The following TMIGD1 variants were observed in gnomAD, a reference collection of about 807,000 sequenced individuals.
The protein encoded by TMIGD1 is transmembrane and immunoglobulin domain-containing protein 1.
TMIGD1 carries 29 observed loss-of-function variants against 27.5 expected under a neutral mutation model. The ratio of observed to expected loss-of-function variants is 1.05; its 90% CI spans 0.78 to 1.44. The LOEUF (loss-of-function observed/expected upper bound fraction) is 1.44, where lower values mean the gene tolerates loss of function less well. Among genes scored for constraint, TMIGD1 ranks in the 40% most tolerant of loss-of-function variants. The probability of loss-of-function intolerance (pLI) is 0.00; values close to 1 mark genes in which losing one functional copy is unlikely to be tolerated. For synonymous variants in TMIGD1, 109 were observed against 110.3 expected (o/e 0.99, Z 0.07); for missense variants, 334 against 310.6 (o/e 1.08, Z -0.57).
Position 30,324,937 on chromosome 17 carries a change from C to G in TMIGD1, c.519G>C (p.Gln173His), listed in dbSNP as rs774800328. Reference sequence around the variant, plus strand: ...TTGACAGCTGAAAAGACTCACTTGTCTGTTGGATTTGGTGACGGCTTTTCT... The same window carrying G: ...TTGACAGCTGAAAAGACTCACTTGTGTGTTGGATTTGGTGACGGCTTTTCT... ...DLEKSRHQIQ[Q>H]TSESFQLSIT... is the part of the protein sequence containing the mutation. The change falls in exon 4 of 7, where the codon CAG becomes CAC. Residue 173 changes from glutamine (Q) to histidine (H), a missense_variant. Transcript: ENST00000328886. 5 of 1,614,056 alleles carry G rather than the reference C, an allele frequency of 3.1e-6. No homozygotes were observed. The African/African-American group carries it at 6.7e-5, about 22-fold the overall frequency.
At chr17:30,327,716 T>G (rs1326974938) in intron 3 of TMIGD1, among the ~76,000 whole-genome samples, 1 of 150,428 alleles carries the variant, frequency 6.6e-6, no homozygotes, top group Non-Finnish European at 1.5e-5. Context: ...TGTGCCACCA[T>G]GCCCAGCTAA....
chr17:30,320,369 T>G (rs572939112), intron 4 of TMIGD1, among the ~76,000 whole-genome samples: 2 of 152,192 alleles, frequency 1.3e-5, no homozygotes, highest in Non-Finnish European at 2.9e-5. Flanking sequence ...ACTATAGGCA[T>G]AGTGCCTGTG....
chr17:30,325,702 C>G (rs1011415037), intron 3 of TMIGD1, among the ~76,000 whole-genome samples: 7 of 152,136 alleles, frequency 4.6e-5, no homozygotes, highest in Non-Finnish European at 7.4e-5. Context: ...CTCTCACCGT[C>G]TGTTTTTGCA....
rs762254557 is a variant in TMIGD1 at position 30,329,428 on chromosome 17, C to T, written c.184G>A (p.Glu62Lys). ...LICAVQNHTR[E>K]EELLWYREEG... ...TCTCGGTACCAGAGCAGTTCTTCCT[C>T]TCTGGTGTGGTTTTGAACAGCACAT... The change falls in exon 3 of 7, where the codon GAG (glutamate) becomes AAG (lysine). Residue 62 changes from glutamate to lysine, a missense_variant. Transcript: ENST00000328886. The T allele has an allele frequency of 3.0e-5, 48 of 1,614,094 alleles. No individual in the cohort carries two copies. The South Asian group carries it at 3.3e-4, about 11-fold the overall frequency.
At chr17:30,324,177 A>C (rs1462209725) in intron 4 of TMIGD1, among the ~76,000 whole-genome samples, 1 of 152,158 alleles carries the variant, frequency 6.6e-6, no homozygotes, top group Non-Finnish European at 1.5e-5. Flanking sequence ...CCATGTGTGA[A>C]TGAGCATTTT....
At chr17:30,327,946 C>T (rs1465124721) in intron 3 of TMIGD1, among the ~76,000 whole-genome samples, 1 of 152,078 alleles carries the variant, frequency 6.6e-6, no homozygotes. Context: ...TACAGTTCTA[C>T]CAATGGGTTA....
intron 4 of TMIGD1, among the ~76,000 whole-genome samples, chr17:30,322,012 A>G (rs1909635415): frequency 6.6e-6 from 1 of 152,118 alleles, no homozygotes; most frequent in Non-Finnish European, 1.5e-5. Flanking sequence ...GATTTGATGT[A>G]GAGACAGGGT....
chr17:30,324,123 C>T (rs538112852), intron 4 of TMIGD1, among the ~76,000 whole-genome samples: 1 of 152,302 alleles, frequency 6.6e-6, no homozygotes, highest in Admixed American at 6.5e-5. Flanking sequence ...ATATGGGAGT[C>T]TCAGCTTGTT....
chr17:30,326,756 G>C (rs2321706), intron 3 of TMIGD1, among the ~76,000 whole-genome samples: 60,871 of 152,036 alleles, frequency 0.4, 12,417 homozygotes, highest in Admixed American at 0.44. Flanking sequence ...AGGAGAAATG[G>C]TGTGTCGTAA....
At chr17:30,329,599 G>T (rs1166461572) in intron 2 of TMIGD1, 70 bp from the exon 3 acceptor site, 3 of 1,317,844 alleles carry the variant, frequency 2.3e-6, no homozygotes, top group Admixed American at 2.1e-5. Context: ...ACAGGGGATT[G>T]GTTAAATAAG....
intron 3 of TMIGD1, among the ~76,000 whole-genome samples, chr17:30,326,764 TAAG>T (rs1909790304): frequency 6.6e-6 from 1 of 152,228 alleles, no homozygotes; most frequent in Non-Finnish European, 1.5e-5. Flanking sequence ...TGGTGTGTCG[TAAG>T]ATATGCACAC....
At chr17:30,324,769 G>T (rs1490942595) in intron 4 of TMIGD1, 47 bp downstream of exon 4, 1 of 1,574,486 alleles carries the variant, frequency 6.4e-7, no homozygotes, top group East Asian at 2.3e-5. Flanking sequence ...CTGAGCATCT[G>T]GTGTGAGTTT....
At position 30,316,397 on chromosome 17, in the gene TMIGD1, A is replaced by C. The variant is rs1002133594; in HGVS notation, c.*290T>G. 2 of 305,356 alleles carry C rather than the reference A, an allele frequency of 6.5e-6. No individual in the cohort carries two copies. The highest frequency in any genetic ancestry group is 1.2e-5 in the Non-Finnish European group (2 of 168,318). 18.9% of individuals were successfully genotyped at this position (305,356 alleles called of 1,614,324 possible). ...CAAGTATCTCCTACCTAGAAAAAAA[A>C]CACACTAAACAGTAAATGATTACCA... On this transcript the variant is annotated 3_prime_UTR_variant, in exon 7 of 7. Transcript: ENST00000328886.
At chr17:30,322,498 T>TTTAA (rs1909652053) in intron 4 of TMIGD1, among the ~76,000 whole-genome samples, 1 of 152,130 alleles carries the variant, frequency 6.6e-6, no homozygotes, top group Admixed American at 6.5e-5. Context: ...ATTTTTTTAT[T>TTTAA]TTTATTTATT....
intron 5 of TMIGD1, among the ~76,000 whole-genome samples, 191 bp from the exon 6 acceptor site, chr17:30,317,424 C>T (rs1909451250): frequency 6.6e-6 from 1 of 152,052 alleles, no homozygotes; most frequent in Non-Finnish European, 1.5e-5. Flanking sequence ...AGTTAAGATG[C>T]TTCCAGTGTC....
intron 3 of TMIGD1, among the ~76,000 whole-genome samples, chr17:30,328,878 C>G (rs1457854337): frequency 6.6e-6 from 1 of 150,512 alleles, no homozygotes; most frequent in Non-Finnish European, 1.5e-5. Context: ...GCAGGAGAAT[C>G]GCTTGAACCC....
At chr17:30,325,810 C>G (rs1182743576) in intron 3 of TMIGD1, among the ~76,000 whole-genome samples, 1 of 152,154 alleles carries the variant, frequency 6.6e-6, no homozygotes, top group Admixed American at 6.5e-5. Flanking sequence ...AGAAGGTGTT[C>G]TAAGCATGAG....
Position 30,332,122 on chromosome 17 carries a change from C to A in TMIGD1, c.12G>T (p.Lys4Asn), listed in dbSNP as rs1203865352. The part of the protein sequence containing the change: MAW[K>N]SSVIMQMGRF... ...TTCCCATTTGCATTATGACACTGCT[C>A]TTCCATGCCATCTTTAATGAGTTAA... The change falls in exon 2 of 7, where the codon AAG (lysine) becomes AAT (asparagine). Residue 4 changes from lysine (K) to asparagine (N), a missense_variant. By Grantham distance (94) the Lys-to-Asn change is moderately conservative. Transcript: ENST00000328886. The A allele has an allele frequency of 6.2e-7, 1 of 1,612,842 alleles. No homozygotes were observed. Among genetic ancestry groups the A allele is most frequent in the Non-Finnish European group, 8.5e-7 (1 of 1,179,480 alleles).
Position 30,326,209 on chromosome 17 carries a change from T to G in TMIGD1, c.362-1115A>C, listed in dbSNP as rs575134002. Among the ~76,000 whole-genome samples the G allele has an allele frequency of 4.6e-5, 7 of 152,362 alleles. No homozygotes were observed. The South Asian group carries it at 6.2e-4, about 14-fold the overall frequency. On this transcript the variant is annotated intron_variant, in intron 3 of 6. Coordinates refer to ENST00000328886, the MANE Select transcript of TMIGD1 (RefSeq NM_206832.3). ...AAGCTGCTGGAATAGAGAACATAATTGCCAAATGGAACAATTCCATTTGTG... is the reference window on the plus strand; with the variant it reads ...AAGCTGCTGGAATAGAGAACATAATGGCCAAATGGAACAATTCCATTTGTG...
Sources: gnomAD v4.1 joint callset for allele counts (sites outside exome capture counted in the v4.1 genomes callset) on GRCh38, gnomAD v4.1.1 for gene constraint, MANE v1.5 for transcripts, NCBI Gene and HGNC (gene_info 2026-07-23, HGNC 2026-07-21) for gene names.